The following RAPGEF4 variants were observed in gnomAD, a reference collection of about 807,000 sequenced individuals.
RAPGEF4 encodes Rap guanine nucleotide exchange factor 4, also known as RAP guanine-nucleotide-exchange factor (GEF) 4.
A neutral mutation model predicts 147.9 loss-of-function variants in RAPGEF4; 66 were observed. The ratio of observed to expected loss-of-function variants is 0.45; its 90% CI spans 0.37 to 0.55. The LOEUF is 0.55. RAPGEF4 is among the 20% of genes least tolerant of loss of function. The pLI is 0.00. For missense variants in RAPGEF4, 1,071 were observed against 1,257.3 expected (o/e 0.85, Z 2.24); for synonymous variants, 419 against 442.7 (o/e 0.95, Z 0.67).
intron 4 of RAPGEF4, among the ~76,000 whole-genome samples, chr2:172,837,122 A>T (rs746168155): frequency 8.5e-5 from 13 of 152,188 alleles, no homozygotes; most frequent in Non-Finnish European, 1.8e-4. Flanking sequence ...GTCAAGAACC[A>T]TGTTGGGTGT....
chr2:172,766,540 C>CA (rs112730623), intron 1 of RAPGEF4, among the ~76,000 whole-genome samples: 2,156 of 145,402 alleles, frequency 0.015, 43 homozygotes, highest in African/African-American at 0.047. Context: ...GACTCTGTCT[C>CA]AAAAAAAAAA....
intron 14 of RAPGEF4, 104 bp downstream of exon 14, chr2:172,988,943 G>A: frequency 7.8e-7 from 1 of 1,283,742 alleles, no homozygotes; most frequent in Non-Finnish European, 1.1e-6. Flanking sequence ...TGTGATGAAT[G>A]AGTGCTCTAG....
At chr2:172,925,617 C>T (rs549582756) in intron 6 of RAPGEF4, among the ~76,000 whole-genome samples, 73 of 150,374 alleles carry the variant, frequency 4.9e-4, no homozygotes, top group African/African-American at 1.6e-3. Context: ...CACACACACA[C>T]GCTGAATGTG....
Position 173,018,796 on chromosome 2 carries a change from G to C in RAPGEF4, c.2149G>C (p.Gly717Arg). ...CCTGATCATAGTCAAGATGAGTTCC[G>C]GAGGAGGTAACAGTCTTAATTCATA... ...EGLIIVKMSS[G>R]GEKVVLKPND... Residue 717 changes from glycine to arginine, a missense_variant, in exon 22 of 31, where the codon GGA becomes CGA. By Grantham distance (125) the Gly-to-Arg change is moderately radical. Coordinates refer to ENST00000397081, the MANE Select transcript of RAPGEF4 (RefSeq NM_007023.4). The C allele has an allele frequency of 6.2e-7, 1 of 1,613,142 alleles. No homozygotes were observed. Among genetic ancestry groups the C allele is most frequent in the Non-Finnish European group, 8.5e-7 (1 of 1,179,748 alleles).
chr2:172,892,520 C>G (rs1483180630), intron 4 of RAPGEF4, among the ~76,000 whole-genome samples: 1 of 152,218 alleles, frequency 6.6e-6, no homozygotes, highest in African/African-American at 2.4e-5. Context: ...AGCCTAAACT[C>G]CAGATCGTTG....
chr2:173,013,002 T>C (rs561916657), intron 17 of RAPGEF4, among the ~76,000 whole-genome samples: 4 of 152,380 alleles, frequency 2.6e-5, no homozygotes, highest in South Asian at 2.1e-4. Context: ...CCTTTCTTCA[T>C]TGTGAGCTGA....
At chr2:172,897,578 T>C (rs898341213) in intron 4 of RAPGEF4, among the ~76,000 whole-genome samples, 2 of 151,452 alleles carry the variant, frequency 1.3e-5, no homozygotes. Context: ...TTTTAATTTT[T>C]TTTTGTAGAG....
chr2:172,775,975 C>A (rs1400219081), intron 1 of RAPGEF4, among the ~76,000 whole-genome samples: 1 of 152,086 alleles, frequency 6.6e-6, no homozygotes, highest in African/African-American at 2.4e-5. Context: ...TTTATTCTAG[C>A]CAGAATCCTA....
chr2:173,000,744 TTCTTTC>T (rs922168519), intron 16 of RAPGEF4, among the ~76,000 whole-genome samples: 1 of 83,506 alleles, frequency 1.2e-5, no homozygotes, highest in African/African-American at 3.5e-5. Context: ...TTTCTTTTCT[TTCTTTC>T]TTTTTTTTTT....
At chr2:172,827,879 C>G (rs1340553323) in intron 4 of RAPGEF4, among the ~76,000 whole-genome samples, 1 of 152,168 alleles carries the variant, frequency 6.6e-6, no homozygotes, top group African/African-American at 2.4e-5. Context: ...TAACTCAGCT[C>G]TCGCTGCTGC....
At chr2:172,766,528 G>A (rs1189744964) in intron 1 of RAPGEF4, among the ~76,000 whole-genome samples, 1 of 151,864 alleles carries the variant, frequency 6.6e-6, no homozygotes, top group East Asian at 1.9e-4. Flanking sequence ...GTGATGGAGT[G>A]AGACTCTGTC....
intron 17 of RAPGEF4, among the ~76,000 whole-genome samples, chr2:173,008,366 T>C (rs1050649367): frequency 2.6e-5 from 4 of 152,226 alleles, no homozygotes; most frequent in African/African-American, 9.6e-5. Flanking sequence ...AATGAGGTTA[T>C]GTGTGTGAAC....
At chr2:172,925,944 A>G (rs1575264318) in intron 6 of RAPGEF4, among the ~76,000 whole-genome samples, 1 of 121,014 alleles carries the variant, frequency 8.3e-6, no homozygotes, top group Non-Finnish European at 1.7e-5. Flanking sequence ...GAGGGAGGGA[A>G]GGAAGGAGGG....
rs141513646 is a variant in RAPGEF4 at position 172,873,290 on chromosome 2, C to A, written c.445-44512C>A. ...AAATGTTCTCATGTTTCTCAGGGAA[C>A]CTTGTTCAGAGGGATGCTGCTAGGT... is the stretch of plus-strand genomic sequence containing the variant. On this transcript the variant is annotated intron_variant, in intron 4 of 30. Transcript: ENST00000397081. 7.2e-3 allele frequency among the ~76,000 whole-genome samples: 1,100 copies of A among 152,254 alleles called. 8 individuals are homozygous for A. The highest frequency in any genetic ancestry group is 0.011 in the Non-Finnish European group (743 of 68,004).
rs117358835 is a variant in RAPGEF4, at chr2:172,789,338, T to C, written c.66-5687T>C. On this transcript the variant is annotated intron_variant, in intron 1 of 30. Transcript: ENST00000397081. ...CCGTATTCTATTGGCTAAAAGCAAA[T>C]TGGAGCTCCCACCCGGCCTCAAAAG... Among the ~76,000 whole-genome samples, 209 of 152,284 alleles carry C rather than the reference T, an allele frequency of 1.4e-3. 3 individuals are homozygous for C. In the East Asian group the frequency reaches 0.021, roughly 15 times the overall value.
chr2:172,908,424 C>G (rs76042824), intron 4 of RAPGEF4, among the ~76,000 whole-genome samples: 1 of 152,202 alleles, frequency 6.6e-6, no homozygotes, highest in Admixed American at 6.5e-5. Flanking sequence ...TTCTTACTAC[C>G]AGTTTTTGTT....
At chr2:172,891,857 G>A (rs1045912072) in intron 4 of RAPGEF4, among the ~76,000 whole-genome samples, 4 of 152,218 alleles carry the variant, frequency 2.6e-5, no homozygotes, top group Non-Finnish European at 5.9e-5. Flanking sequence ...GTCATTGGTA[G>A]TGGGTTCCCC....
At chr2:172,814,171 T>A in intron 3 of RAPGEF4, 108 bp from the exon 4 acceptor site, 1 of 1,104,272 alleles carries the variant, frequency 9.1e-7, no homozygotes, top group Non-Finnish European at 1.3e-6. Flanking sequence ...AACTATGCAA[T>A]TAAATTGGGT....
At chr2:173,005,225 G>A (rs1206518649) in intron 17 of RAPGEF4, among the ~76,000 whole-genome samples, 1 of 151,844 alleles carries the variant, frequency 6.6e-6, no homozygotes, top group East Asian at 1.9e-4. Flanking sequence ...CCTAAAAATA[G>A]GCAAAGAATA....
Sources: gnomAD v4.1 joint callset for allele counts (sites outside exome capture counted in the v4.1 genomes callset) on GRCh38, gnomAD v4.1.1 for gene constraint, MANE v1.5 for transcripts, NCBI Gene and HGNC (gene_info 2026-07-23, HGNC 2026-07-21) for gene names.